Variants in CCDC30 observed in about 807,000 individuals in gnomAD.
CCDC30 encodes the protein coiled-coil domain containing 30.
Under a neutral mutation model 100.2 loss-of-function variants are expected in CCDC30, and 70 were observed. The ratio of observed to expected loss-of-function variants is 0.70; its 90% CI spans 0.58 to 0.85. The LOEUF (loss-of-function observed/expected upper bound fraction) is 0.85, where lower values mean the gene tolerates loss of function less well. Among genes scored for constraint, CCDC30 ranks in the 40% least tolerant of loss-of-function variants. The pLI, the probability that CCDC30 is intolerant of heterozygous loss-of-function variation, is 0.00. For synonymous variants in CCDC30, 233 were observed against 269.5 expected, an observed-to-expected ratio of 0.86 and a Z score of 1.33; for missense variants, 652 against 771.2, an observed-to-expected ratio of 0.85 and a Z score of 1.83.
chr1:42,527,661 A>G (rs961888429), intron 6 of CCDC30, among the ~76,000 whole-genome samples: 1 of 152,200 alleles, frequency 6.6e-6, no homozygotes, highest in Admixed American at 6.5e-5. Context: ...AAATTTTTCA[A>G]ACAAAACATA....
intron 11 of CCDC30, among the ~76,000 whole-genome samples, chr1:42,623,710 A>G (rs1403435682): frequency 6.6e-6 from 1 of 152,164 alleles, no homozygotes; most frequent in African/African-American, 2.4e-5. Context: ...GTCTTTGGCT[A>G]TTCTGGGTCC....
Position 42,553,114 on chromosome 1 carries a change from G to A in CCDC30, c.457-13182G>A, listed in dbSNP as rs200102179. ...CTGTGACGTTCAGCTGGAGTAGGTA[G>A]GTGTCCAAAATTGTGTTTCTTCCTT... On this transcript the variant is annotated intron_variant, in intron 6 of 16. Coordinates refer to ENST00000668663, the Ensembl canonical transcript of CCDC30. Among the ~76,000 whole-genome samples the A allele has an allele frequency of 1.1e-4, 17 of 152,260 alleles. No homozygotes were observed. In the East Asian group the frequency reaches 2.9e-3, roughly 26 times the overall value.
chr1:42,503,539 G>A (rs1054789788), intron 6 of CCDC30, among the ~76,000 whole-genome samples: 4 of 152,268 alleles, frequency 2.6e-5, no homozygotes, highest in African/African-American at 4.8e-5. Context: ...CTTGGCCAGC[G>A]CCATCTTGTC....
At chr1:42,456,481 G>C in the CCDC30 span, 3 of 1,372,914 alleles carry the variant, frequency 2.2e-6, no homozygotes, top group South Asian at 1.5e-5. Context: ...CACTCAGTAC[G>C]GCGCGGCGCG....
downstream of CCDC30, among the ~76,000 whole-genome samples, chr1:42,655,927 G>T (rs1224713801): frequency 3.6e-5 from 5 of 137,016 alleles, no homozygotes; most frequent in African/African-American, 1.4e-4. Flanking sequence ...AGGCTGGAGT[G>T]CAGTGGTTTG....
At chr1:42,651,774 T>C (rs537979189) in intron 15 of CCDC30, among the ~76,000 whole-genome samples, 1 of 152,166 alleles carries the variant, frequency 6.6e-6, no homozygotes, top group Non-Finnish European at 1.5e-5. Context: ...CTCAGGAGGC[T>C]GAGGTGTGAG....
intron 6 of CCDC30, among the ~76,000 whole-genome samples, chr1:42,535,587 C>T (rs1429783243): frequency 4.4e-5 from 6 of 135,898 alleles, no homozygotes; most frequent in African/African-American, 1.7e-4. Context: ...CGGCCGGGCA[C>T]GGTGGCTCAC....
intron 12 of CCDC30, among the ~76,000 whole-genome samples, chr1:42,641,566 A>C (rs1289247778): frequency 8.2e-6 from 1 of 122,154 alleles, no homozygotes; most frequent in Admixed American, 7.7e-5. Flanking sequence ...ACAAAAAAAC[A>C]AAAAAAAACA....
chr1:42,545,968 A>AATAATT (rs1282852709), intron 6 of CCDC30, among the ~76,000 whole-genome samples: 1 of 149,098 alleles, frequency 6.7e-6, no homozygotes, highest in Non-Finnish European at 1.5e-5. Flanking sequence ...TAATAATAAT[A>AATAATT]ATTTAATATT....
chr1:42,644,732 A>G (rs1647739535), exon 14 of CCDC30: 7 of 1,613,230 alleles, frequency 4.3e-6, no homozygotes, highest in Non-Finnish European at 5.9e-6. Context: ...AATTACAGGA[A>G]AATAGTCTTC....
intron 6 of CCDC30, 71 bp downstream of exon 10, chr1:42,556,476 T>C: frequency 6.9e-7 from 1 of 1,457,556 alleles, no homozygotes; most frequent in African/African-American, 1.4e-5. Context: ...AGCATCATTT[T>C]AAATACCATC....
chr1:42,456,660 C>G, the CCDC30 span: 1 of 1,599,850 alleles, frequency 6.3e-7, no homozygotes, highest in East Asian at 2.2e-5. Context: ...AGGCTGGGCG[C>G]GCAGGGCCGG....
chr1:42,520,173 A>G (rs760075256), intron 6 of CCDC30, among the ~76,000 whole-genome samples: 10 of 148,744 alleles, frequency 6.7e-5, no homozygotes, highest in Non-Finnish European at 1.2e-4. Flanking sequence ...TTCCTTTTCT[A>G]GTTCTTTAAG....
chr1:42,473,015 A>G, intron 1 of CCDC30: 1 of 1,028,560 alleles, frequency 9.7e-7, no homozygotes, highest in Non-Finnish European at 1.2e-6. Flanking sequence ...TACCCTAAAG[A>G]CTAGTACTCT....
rs148457578 is a variant in CCDC30, at chr1:42,633,865, T to G, written c.1278-3372T>G. 4.4e-3 allele frequency among the ~76,000 whole-genome samples: 675 copies of G among 152,274 alleles called. 4 individuals are homozygous for G. Among genetic ancestry groups the G allele is most frequent in the African/African-American group, 0.013 (527 of 41,552 alleles). On this transcript the variant is annotated intron_variant, in intron 11 of 16. Transcript: ENST00000668663. ...GGAAAGACATTTAATTGACTCACAG[T>G]TCAGCATGGCTGAGAAGGCCACAGG...
In CCDC30 at chr1:42,538,972, TATTTAATTG is replaced by T. The variant is rs539919580; in HGVS notation, c.457-27309_457-27301del. Among the ~76,000 whole-genome samples, 295 of 152,362 alleles carry T rather than the reference TATTTAATTG, an allele frequency of 1.9e-3. 1 individual carries two copies. Among genetic ancestry groups the T allele is most frequent in the African/African-American group, 3.8e-3 (156 of 41,590 alleles). ...TGATAGAAACTAAGAATGCTCAGTT[TATTTAATTG>T]ATTTAATTGATTTAGGTAAACTTTG... On this transcript the variant is annotated intron_variant, in intron 6 of 16. Transcript: ENST00000668663.
intron 3 of CCDC30, among the ~76,000 whole-genome samples, chr1:42,488,037 C>T (rs1451972442): frequency 6.6e-6 from 1 of 152,160 alleles, no homozygotes; most frequent in Non-Finnish European, 1.5e-5. Flanking sequence ...ATAAGTGAAA[C>T]AAGATTGACC....
chr1:42,609,679 T>G (rs1478528407), intron 10 of CCDC30, among the ~76,000 whole-genome samples: 1 of 152,170 alleles, frequency 6.6e-6, no homozygotes, highest in Non-Finnish European at 1.5e-5. Context: ...GTTACAGGAT[T>G]GGAGACAATG....
intron 11 of CCDC30, among the ~76,000 whole-genome samples, chr1:42,623,423 A>G (rs2148660305): frequency 6.6e-6 from 1 of 152,280 alleles, no homozygotes; most frequent in African/African-American, 2.4e-5. Flanking sequence ...ACAGTGAGAG[A>G]TAGGGATCTA....
Sources: allele counts gnomAD v4.1 joint callset (sites outside exome capture counted in the v4.1 genomes callset), GRCh38; gene constraint gnomAD v4.1.1; transcripts MANE v1.5; gene names NCBI Gene and HGNC (gene_info 2026-07-23, HGNC 2026-07-21).